The following PCLO variants were observed in gnomAD, a reference collection of about 807,000 sequenced individuals.
PCLO encodes protein piccolo.
Under a neutral mutation model 427.5 loss-of-function variants are expected in PCLO, and 82 were observed. That is an observed-to-expected ratio of 0.19 (90% CI 0.16 to 0.23). PCLO has a LOEUF of 0.23. Among genes scored for constraint, PCLO ranks in the 10% least tolerant of loss-of-function variants. The pLI, the probability that PCLO is intolerant of heterozygous loss-of-function variation, is 1.00. For synonymous variants in PCLO, 2,357 were observed against 2,155.4 expected, an observed-to-expected ratio of 1.09 and a Z score of -2.59; for missense variants, 6,239 against 6,115.9, an observed-to-expected ratio of 1.02 and a Z score of -0.67.
At chr7:83,007,431 C>T (rs192739560) in intron 3 of PCLO, among the ~76,000 whole-genome samples, 31 of 73,294 alleles carry the variant, frequency 4.2e-4, no homozygotes, top group Admixed American at 2.8e-3. Flanking sequence ...AAAATCATAA[C>T]TAGACAAATA....
chr7:82,825,523 C>T (rs1050020305), intron 18 of PCLO, among the ~76,000 whole-genome samples: 2 of 151,502 alleles, frequency 1.3e-5, no homozygotes, highest in African/African-American at 4.8e-5. Flanking sequence ...AAAAGGATGT[C>T]GTATTTTGTA....
chr7:82,915,528 G>A lies in PCLO; in HGVS notation c.12458C>T (p.Thr4153Ile), dbSNP rs745316751. 1.7e-5 allele frequency: 28 copies of A among 1,613,566 alleles called. No homozygotes were observed. Among genetic ancestry groups the A allele is most frequent in the Non-Finnish European group, 2.3e-5 (27 of 1,179,716 alleles). Residue 4153 changes from threonine to isoleucine, a missense_variant, in exon 7 of 25, where the codon ACT becomes ATT. Physicochemically the swap from Thr to Ile is moderately conservative, Grantham distance 89. This residue lies in a region of PCLO where 680 missense variants were observed against 677.3 expected (regional missense o/e 1.00). Transcript: ENST00000333891. ...AGLSHYYHAD[T>I]SYRHFPKSEK... ...AGATTTTGGAAAATGTCTGTAGCTA[G>A]TATCAGCATGGTAATAATGAGAAAG... is the stretch of plus-strand genomic sequence containing the variant.
chr7:83,107,318 G>A (rs1331809321), intron 3 of PCLO, among the ~76,000 whole-genome samples: 5 of 152,068 alleles, frequency 3.3e-5, no homozygotes, highest in African/African-American at 7.2e-5. Context: ...GTTAAGTGTT[G>A]TAAGGAACAA....
At chr7:82,873,338 A>G (rs908196156) in intron 10 of PCLO, among the ~76,000 whole-genome samples, 2 of 152,024 alleles carry the variant, frequency 1.3e-5, no homozygotes, top group African/African-American at 2.4e-5. Flanking sequence ...TCTCATTAGA[A>G]TCAATGAGAT....
intron 3 of PCLO, among the ~76,000 whole-genome samples, chr7:83,124,502 C>A (rs1791374904): frequency 6.6e-6 from 1 of 151,908 alleles, no homozygotes; most frequent in Admixed American, 6.6e-5. Context: ...ATCCAAAAGA[C>A]AGGCAAAAAT....
intron 3 of PCLO, among the ~76,000 whole-genome samples, chr7:82,984,743 C>A (rs1292892826): frequency 6.6e-6 from 1 of 151,926 alleles, no homozygotes; most frequent in African/African-American, 2.4e-5. Context: ...CACAGTCATG[C>A]CTCTATCCCT....
At chr7:82,789,414 A>T (rs191774424) in intron 22 of PCLO, among the ~76,000 whole-genome samples, 1 of 152,296 alleles carries the variant, frequency 6.6e-6, no homozygotes, top group East Asian at 1.9e-4. Context: ...AAGCTAAGAA[A>T]GCAAAATGTG....
rs547647390 is a variant in PCLO, at chr7:82,946,699, T to C, written c.11112+2777A>G. 2.6e-4 allele frequency among the ~76,000 whole-genome samples: 40 copies of C among 152,222 alleles called. 2 individuals are homozygous for C. The South Asian group carries it at 7.9e-3, about 30-fold the overall frequency. On this transcript the variant is annotated intron_variant, in intron 6 of 24. Transcript: ENST00000333891. The stretch of plus-strand genomic sequence containing the variant: ...GGAGGGGAGAAAGTCTGGAGAGTGA[T>C]CAATGAGGTCATGAAACAAGCAGAG...
intron 9 of PCLO, chr7:82,880,321 T>C (rs1793475101): frequency 2.9e-6 from 1 of 340,988 alleles, no homozygotes; most frequent in African/African-American, 2.1e-5. Context: ...TACACTTTAA[T>C]GCATAGTGGT....
At chr7:83,133,087 AT>A (rs1791613823) in intron 3 of PCLO, among the ~76,000 whole-genome samples, 1 of 152,018 alleles carries the variant, frequency 6.6e-6, no homozygotes, top group Non-Finnish European at 1.5e-5. Flanking sequence ...TAGCAACAAC[AT>A]TTTCATACAG....
chr7:82,865,800 T>G (rs1793078109), intron 10 of PCLO, among the ~76,000 whole-genome samples: 1 of 152,164 alleles, frequency 6.6e-6, no homozygotes. Context: ...AACTATTTCT[T>G]AACACCTCCC....
At chr7:83,157,091 G>A (rs1191946635) in intron 1 of PCLO, among the ~76,000 whole-genome samples, 1 of 152,090 alleles carries the variant, frequency 6.6e-6, no homozygotes, top group Non-Finnish European at 1.5e-5. Flanking sequence ...GAGAGACTGG[G>A]ACACAGACGT....
intron 3 of PCLO, among the ~76,000 whole-genome samples, chr7:83,091,651 T>C (rs1790380755): frequency 6.6e-6 from 1 of 152,134 alleles, no homozygotes; most frequent in South Asian, 2.1e-4. Flanking sequence ...CCCCACATAC[T>C]GATGTCAATT....
intron 2 of PCLO, among the ~76,000 whole-genome samples, chr7:83,136,699 A>G (rs1428347819): frequency 1.3e-5 from 2 of 152,160 alleles, no homozygotes; most frequent in African/African-American, 2.4e-5. Flanking sequence ...TGAAAAAGCA[A>G]TATGAGTAAG....
chr7:82,888,281 G>C lies in PCLO; in HGVS notation c.13529-8819C>G, dbSNP rs919128137. ...GTTTTACTTTCTTTTGGTCTTCCAC[G>C]AGAAGCAGAAGAGATGGCATAATTG... On this transcript the variant is annotated intron_variant, in intron 9 of 24. Coordinates refer to ENST00000333891, the MANE Select transcript of PCLO (RefSeq NM_033026.6). Among the ~76,000 whole-genome samples, 5 of 152,020 alleles carry C rather than the reference G, an allele frequency of 3.3e-5. No individual in the cohort carries two copies. In the South Asian group the frequency reaches 6.2e-4, roughly 19 times the overall value.
At chr7:83,065,752 T>C (rs62458604) in intron 3 of PCLO, among the ~76,000 whole-genome samples, 18,289 of 151,982 alleles carry the variant, frequency 0.12, 1,414 homozygotes, top group Middle Eastern at 0.26. Flanking sequence ...AAAGCTTTCA[T>C]TTGTCTTTCC....
chr7:82,971,651 T>C (rs1203964258), intron 3 of PCLO, among the ~76,000 whole-genome samples: 1 of 148,030 alleles, frequency 6.8e-6, no homozygotes, highest in Non-Finnish European at 1.5e-5. Flanking sequence ...CATTTTAAGG[T>C]GCTGTTTGCA....
At chr7:83,086,495 AAAC>A (rs1790235985) in intron 3 of PCLO, among the ~76,000 whole-genome samples, 2 of 152,152 alleles carry the variant, frequency 1.3e-5, no homozygotes, top group African/African-American at 4.8e-5. Context: ...TGGAAAAAAA[AAAC>A]ATTTCCTAAG....
At chr7:82,835,761 G>T in intron 15 of PCLO, 68 bp from the exon 16 acceptor site, 1 of 1,169,908 alleles carries the variant, frequency 8.5e-7, no homozygotes, top group South Asian at 1.3e-5. Context: ...GAAGAAAATA[G>T]TTAGGAACAG....
Sources: gnomAD v4.1 joint callset for allele counts (sites outside exome capture counted in the v4.1 genomes callset) on GRCh38, gnomAD v4.1.1 for gene constraint, gnomAD v4.1.1 regional missense constraint, MANE v1.5 for transcripts, NCBI Gene and HGNC (gene_info 2026-07-23, HGNC 2026-07-21) for gene names.